GABBR2: variants seen among roughly 807,000 people sequenced by gnomAD.
The protein encoded by GABBR2 is gamma-aminobutyric acid type B receptor subunit 2, also known as G-protein coupled receptor 51.
GABBR2 carries 23 observed loss-of-function variants against 105.6 expected under a neutral mutation model. The ratio of observed to expected loss-of-function variants is 0.22; its 90% CI spans 0.16 to 0.31. GABBR2 has a LOEUF of 0.31. Ranked by LOEUF, GABBR2 falls within the 10% of genes least tolerant of loss-of-function variation. The pLI is 1.00. For missense variants in GABBR2, 734 were observed against 1,245.5 expected (o/e 0.59, Z 6.18); for synonymous variants, 478 against 499.7 (o/e 0.96, Z 0.58).
Position 98,302,617 on chromosome 9 carries a change from C to G in GABBR2, c.2412+624G>C, listed in dbSNP as rs576879341. Among the ~76,000 whole-genome samples, 16 of 152,292 alleles carry G rather than the reference C, an allele frequency of 1.1e-4. No homozygotes were observed. The South Asian group carries it at 3.3e-3, about 32-fold the overall frequency. On this transcript the variant is annotated intron_variant, in intron 16 of 18. Transcript: ENST00000259455. ...TTCCTCTATTAAAGCAACACACAGC[C>G]TGCAGAGCACGGGTTCAGGCATACC...
chr9:98,582,127 C>A (rs911956623), intron 1 of GABBR2, among the ~76,000 whole-genome samples: 2 of 152,136 alleles, frequency 1.3e-5, no homozygotes, highest in African/African-American at 2.4e-5. Flanking sequence ...TGTTACATGG[C>A]AAAAGGGACT....
At chr9:98,647,496 G>A (rs1200900274) in intron 1 of GABBR2, among the ~76,000 whole-genome samples, 1 of 152,180 alleles carries the variant, frequency 6.6e-6, no homozygotes, top group Non-Finnish European at 1.5e-5. Context: ...CTGGGATTCT[G>A]GCAAGTTCCA....
intron 1 of GABBR2, among the ~76,000 whole-genome samples, chr9:98,646,414 C>A (rs1437125579): frequency 6.6e-6 from 1 of 152,148 alleles, no homozygotes; most frequent in African/African-American, 2.4e-5. Flanking sequence ...GTGACTCCAC[C>A]GGGAGAGGAC....
intron 13 of GABBR2, among the ~76,000 whole-genome samples, chr9:98,351,300 T>G (rs1831395540): frequency 6.6e-6 from 1 of 152,254 alleles, no homozygotes; most frequent in South Asian, 2.1e-4. Context: ...GATTGTGTTG[T>G]ATATCCTTTG....
intron 6 of GABBR2, among the ~76,000 whole-genome samples, chr9:98,471,986 T>A (rs368049054): frequency 6.6e-6 from 1 of 152,242 alleles, no homozygotes; most frequent in African/African-American, 2.4e-5. Flanking sequence ...GTTTACAAAA[T>A]ATGTCCTAAT....
intron 6 of GABBR2, among the ~76,000 whole-genome samples, chr9:98,468,969 GC>G (rs1826612849): frequency 6.6e-6 from 1 of 152,204 alleles, no homozygotes; most frequent in Non-Finnish European, 1.5e-5. Flanking sequence ...TCCTGGATCT[GC>G]CTCTACCTGC....
chr9:98,366,221 G>A (rs540244217), intron 12 of GABBR2, among the ~76,000 whole-genome samples: 161 of 152,158 alleles, frequency 1.1e-3, no homozygotes, highest in African/African-American at 3.6e-3. Flanking sequence ...CAGATCCAGC[G>A]ATTTTTACTA....
Position 98,454,082 on chromosome 9 carries a change from T to C in GABBR2, c.1135A>G (p.Ser379Gly). The change falls in exon 7 of 19, where the codon AGC (serine) becomes GGC (glycine). Residue 379 changes from serine to glycine, a missense_variant. By Grantham distance (56) the Ser-to-Gly change is moderately conservative (BLOSUM62 0). Transcript: ENST00000259455. This position sits in a 1 kb window ranked among gnomAD's most constrained non-coding sequence, Gnocchi z 4.6. ...LQRAMETLHA[S>G]SRHQRIQDFN... ...TCCTGGATCCGCTGGTGCCGGCTGC[T>C]GGCATGCAGTGTCTCCATGGCCCTC... The C allele has an allele frequency of 6.2e-7, 1 of 1,614,144 alleles. No individual in the cohort carries two copies. Among genetic ancestry groups the C allele is most frequent in the Non-Finnish European group, 8.5e-7 (1 of 1,179,966 alleles).
intron 2 of GABBR2, among the ~76,000 whole-genome samples, chr9:98,576,030 G>T (rs184189194): frequency 6.6e-6 from 1 of 152,270 alleles, no homozygotes; most frequent in Non-Finnish European, 1.5e-5. Flanking sequence ...CCTTGACCCG[G>T]GGCTAAGTGA....
chr9:98,342,037 C>G (rs1040052197), intron 13 of GABBR2, among the ~76,000 whole-genome samples: 1 of 151,990 alleles, frequency 6.6e-6, no homozygotes, highest in Non-Finnish European at 1.5e-5. Context: ...ATGGCCATGG[C>G]CTTTGAGGAG....
intron 6 of GABBR2, among the ~76,000 whole-genome samples, chr9:98,462,561 A>C (rs1826444371): frequency 6.6e-6 from 1 of 152,246 alleles, no homozygotes. Flanking sequence ...GTCCAACTTC[A>C]TTAGTCATCA....
chr9:98,367,227 A>G (rs1169387840), intron 12 of GABBR2, among the ~76,000 whole-genome samples: 1 of 151,560 alleles, frequency 6.6e-6, no homozygotes, highest in African/African-American at 2.4e-5. Context: ...GAAGAAAAGG[A>G]TAAAAAACTG....
chr9:98,371,478 T>C lies in GABBR2; in HGVS notation c.1756A>G (p.Lys586Glu). The C allele has an allele frequency of 6.3e-7, 1 of 1,582,412 alleles. No individual in the cohort carries two copies. The highest frequency in any genetic ancestry group is 8.7e-7 in the Non-Finnish European group (1 of 1,151,096). Residue 586 changes from lysine to glutamate, a missense_variant, in exon 12 of 19, where the codon AAA (lysine) becomes GAA (glutamate). Lys to Glu is a moderately conservative substitution (Grantham distance 56, BLOSUM62 1). This residue lies in a region of GABBR2 where 17 missense variants were observed against 67.8 expected (regional missense o/e 0.25). Transcript: ENST00000259455. ...WRVHAIFKNV[K>E]MKKKIIKDQK... is the part of the protein sequence containing the mutation. ...AGAGTGATTACCTTCTTCTTCATTT[T>C]CACATTTTTGAAGATGGCGTGGACT...
chr9:98,339,955 G>A (rs1414457989), intron 13 of GABBR2, among the ~76,000 whole-genome samples: 4 of 152,070 alleles, frequency 2.6e-5, no homozygotes, highest in African/African-American at 9.7e-5. Context: ...CACTGAACTC[G>A]GGCATGGACA....
chr9:98,584,519 C>G (rs1235663688), intron 1 of GABBR2, among the ~76,000 whole-genome samples: 1 of 152,100 alleles, frequency 6.6e-6, no homozygotes, highest in African/African-American at 2.4e-5. Context: ...CATATAGGCT[C>G]TTAAAATTCA....
chr9:98,410,494 T>C (rs1323082472), intron 7 of GABBR2, among the ~76,000 whole-genome samples: 1 of 147,278 alleles, frequency 6.8e-6, no homozygotes, highest in Non-Finnish European at 1.5e-5. Flanking sequence ...TAAGCATGCA[T>C]GAGGGAAAAG....
At chr9:98,293,655 A>G (rs1830335602) in intron 18 of GABBR2, 130 bp downstream of exon 18, 2 of 613,960 alleles carry the variant, frequency 3.3e-6, no homozygotes, top group Non-Finnish European at 5.8e-6. Context: ...CTGTAATTGG[A>G]CTGCATCATG....
chr9:98,315,145 G>A (rs1830693992), intron 13 of GABBR2, among the ~76,000 whole-genome samples: 1 of 152,036 alleles, frequency 6.6e-6, no homozygotes, highest in Non-Finnish European at 1.5e-5. Context: ...TGACCTCTCG[G>A]AATCTTGAAA....
At chr9:98,432,200 G>A (rs1201960063) in intron 7 of GABBR2, among the ~76,000 whole-genome samples, 1 of 152,196 alleles carries the variant, frequency 6.6e-6, no homozygotes, top group Non-Finnish European at 1.5e-5. Flanking sequence ...CCGGCTCAAG[G>A]AAGGTTTTTA....
Sources: allele counts gnomAD v4.1 joint callset (sites outside exome capture counted in the v4.1 genomes callset), GRCh38; gene constraint gnomAD v4.1.1; regional missense constraint gnomAD v4.1.1; non-coding constraint Gnocchi (gnomAD v3.1); transcripts MANE v1.5; gene names NCBI Gene and HGNC (gene_info 2026-07-23, HGNC 2026-07-21).